The following NALCN variants were observed in gnomAD, a reference collection of about 807,000 sequenced individuals.
NALCN encodes the protein sodium leak channel, non-selective, also known as sodium leak channel NALCN.
A neutral mutation model predicts 225.3 loss-of-function variants in NALCN; 111 were observed. The ratio of observed to expected loss-of-function variants is 0.49; its 90% CI spans 0.42 to 0.58. The LOEUF is 0.58. Ranked by LOEUF, NALCN falls within the 20% of genes least tolerant of loss-of-function variation. The probability of loss-of-function intolerance (pLI) is 0.00; values close to 1 mark genes in which losing one functional copy is unlikely to be tolerated. For missense variants in NALCN, 1,378 were observed against 2,202.4 expected (o/e 0.63, Z 7.49); for synonymous variants, 764 against 769.0 (o/e 0.99, Z 0.11).
intron 1 of NALCN, among the ~76,000 whole-genome samples, chr13:101,411,472 C>T (rs534974180): frequency 2.6e-5 from 4 of 151,946 alleles, no homozygotes; most frequent in South Asian, 2.1e-4. Flanking sequence ...CCTCCCCTCC[C>T]GAGTAGCTGA....
At chr13:101,348,918 C>T (rs572293001) in intron 6 of NALCN, among the ~76,000 whole-genome samples, 1 of 152,148 alleles carries the variant, frequency 6.6e-6, no homozygotes, top group East Asian at 1.9e-4. Context: ...ATTTGTTAAT[C>T]TTTGTTTCAT....
rs143131349 is a variant in NALCN at position 101,125,689 on chromosome 13, T to C, written c.2119-1008A>G. 5.1e-3 allele frequency among the ~76,000 whole-genome samples: 771 copies of C among 152,136 alleles called. 2 individuals carry two copies. Among genetic ancestry groups the C allele is most frequent in the South Asian group, 0.01 (48 of 4,800 alleles). On this transcript the variant is annotated intron_variant, in intron 17 of 43. Transcript: ENST00000251127. ...AACACAAGATCAGAGGGGCTGGAGCTCTCTGCGGTGGAACAGCAAGTCTGG... is the reference window on the plus strand; with the variant it reads ...AACACAAGATCAGAGGGGCTGGAGCCCTCTGCGGTGGAACAGCAAGTCTGG...
chr13:101,065,287 C>T, intron 40 of NALCN, 117 bp downstream of exon 40: 1 of 1,116,868 alleles, frequency 9.0e-7, no homozygotes. Context: ...TTCACGACCA[C>T]AGCAGATGTG....
intron 15 of NALCN, among the ~76,000 whole-genome samples, chr13:101,156,949 A>T (rs1427236098): frequency 2.0e-5 from 3 of 152,174 alleles, no homozygotes; most frequent in Non-Finnish European, 4.4e-5. Context: ...TAGTTTTTAA[A>T]TGTCTCCTAT....
rs1447187604 is a variant in NALCN at position 101,059,948 on chromosome 13, C to G, written c.4775G>C (p.Ser1592Thr). 1.2e-6 allele frequency: 2 copies of G among 1,614,048 alleles called. No individual in the cohort carries two copies. The highest frequency in any genetic ancestry group is 2.7e-5 in the African/African-American group (2 of 75,018). Residue 1592 changes from serine to threonine, a missense_variant, in exon 42 of 44, where the codon AGT (serine) becomes ACT (threonine). Transcript: ENST00000251127. ...ACTCTCTCTCAGGCTGTGGATGATA[C>G]TGCACGACTGCTGCTGTTTCTATGG... Reference protein sequence around the residue: ...RIRAKQQQSCSIIHSLRESQQ... With the variant: ...RIRAKQQQSCTIIHSLRESQQ...
At chr13:101,343,605 G>A (rs1346836802) in intron 7 of NALCN, among the ~76,000 whole-genome samples, 4 of 152,178 alleles carry the variant, frequency 2.6e-5, no homozygotes, top group Non-Finnish European at 1.5e-5. Flanking sequence ...ACGAAAAGAT[G>A]CACTTCCTGT....
At chr13:101,300,908 G>T (rs116626128) in intron 7 of NALCN, among the ~76,000 whole-genome samples, 104 of 152,178 alleles carry the variant, frequency 6.8e-4, no homozygotes, top group African/African-American at 2.4e-3. Context: ...TTTGATTTTG[G>T]TTTCTTTGTT....
intron 10 of NALCN, among the ~76,000 whole-genome samples, chr13:101,277,999 T>C (rs2043020485): frequency 6.6e-6 from 1 of 152,212 alleles, no homozygotes; most frequent in African/African-American, 2.4e-5. Context: ...TGGGTTTTTA[T>C]GTAAAATACT....
intron 18 of NALCN, among the ~76,000 whole-genome samples, chr13:101,119,540 G>GTT: frequency 6.6e-6 from 1 of 152,244 alleles, no homozygotes; most frequent in South Asian, 2.1e-4. Flanking sequence ...ATGTTTAATT[G>GTT]TTTTATTTTA....
In NALCN at chr13:101,054,857, CAA is replaced by C. The variant is rs35076729; in HGVS notation, c.*436_*437del. 20,829 of 154,744 alleles carry C rather than the reference CAA, an allele frequency of 0.13. 1,640 individuals are homozygous for C. The highest frequency in any genetic ancestry group is 0.19 in the Non-Finnish European group (13,133 of 69,926). The allele number at this position is 154,744 out of a possible 1,614,324, so 9.6% of individuals were successfully genotyped here. A position where few individuals can be genotyped will look rare whatever the true frequency, so the allele number is the denominator to read the frequency against. On this transcript the variant is annotated 3_prime_UTR_variant, in exon 44 of 44. Coordinates refer to ENST00000251127, the MANE Select transcript of NALCN (RefSeq NM_052867.4). ...ATCAATCATAAATAATAAATTCTCT[CAA>C]GAGAAATATTTCTAGTGGAAATGGG...
At chr13:101,120,522 A>T (rs1231004641) in intron 18 of NALCN, among the ~76,000 whole-genome samples, 1 of 78,726 alleles carries the variant, frequency 1.3e-5, no homozygotes, top group East Asian at 2.5e-4. Flanking sequence ...GCCAAACTTA[A>T]AAAAAAAAAA....
At chr13:101,166,415 T>C (rs1283994233) in intron 15 of NALCN, among the ~76,000 whole-genome samples, 1 of 152,252 alleles carries the variant, frequency 6.6e-6, no homozygotes, top group East Asian at 1.9e-4. Context: ...GTTTTTTTTT[T>C]TGATAGTGGC....
At chr13:101,350,297 G>A (rs1371714987) in intron 6 of NALCN, among the ~76,000 whole-genome samples, 2 of 152,024 alleles carry the variant, frequency 1.3e-5, no homozygotes, top group East Asian at 1.9e-4. Flanking sequence ...GTCTGACCAC[G>A]TTGGCCTTCT....
rs577145177 is a variant in NALCN at position 101,282,034 on chromosome 13, A to T, written c.1134+1899T>A. On this transcript the variant is annotated intron_variant, in intron 10 of 43. Transcript: ENST00000251127. Reference sequence around the variant, plus strand: ...TATTTGGCAAAGGCATAAAGAAAAGATAACCCTTTTACACTGTTGGTGGGG... The same window carrying T: ...TATTTGGCAAAGGCATAAAGAAAAGTTAACCCTTTTACACTGTTGGTGGGG... Among the ~76,000 whole-genome samples, 5 of 152,324 alleles carry T rather than the reference A, an allele frequency of 3.3e-5. No individual in the cohort carries two copies. The South Asian group carries it at 1.0e-3, about 32-fold the overall frequency.
At chr13:101,284,395 G>T (rs1370499867) in intron 9 of NALCN, among the ~76,000 whole-genome samples, 1 of 152,104 alleles carries the variant, frequency 6.6e-6, no homozygotes, top group Admixed American at 6.5e-5. Context: ...CATTGTGTCT[G>T]GTGTGTTTTT....
At chr13:101,280,235 G>A (rs1594593017) in intron 10 of NALCN, among the ~76,000 whole-genome samples, 1 of 152,286 alleles carries the variant, frequency 6.6e-6, no homozygotes. Flanking sequence ...ATGAAGTTGA[G>A]TGGAATGAAA....
At chr13:101,380,855 CT>C (rs2046827818) in intron 3 of NALCN, among the ~76,000 whole-genome samples, 1 of 118,264 alleles carries the variant, frequency 8.5e-6, no homozygotes, top group Admixed American at 8.4e-5. Flanking sequence ...TAATGCCTAG[CT>C]AACACACACA....
At chr13:101,160,045 C>G (rs1283715762) in intron 15 of NALCN, among the ~76,000 whole-genome samples, 1 of 152,076 alleles carries the variant, frequency 6.6e-6, no homozygotes, top group East Asian at 1.9e-4. Context: ...ACCTCTGCCT[C>G]CTGGGTTCAA....
chr13:101,240,533 G>C (rs1489627114), intron 11 of NALCN, among the ~76,000 whole-genome samples: 1 of 151,762 alleles, frequency 6.6e-6, no homozygotes, highest in African/African-American at 2.4e-5. Flanking sequence ...AATTTCATAA[G>C]GAAATAAAAT....
Sources: gnomAD v4.1 joint callset for allele counts (sites outside exome capture counted in the v4.1 genomes callset) on GRCh38, gnomAD v4.1.1 for gene constraint, MANE v1.5 for transcripts, NCBI Gene and HGNC (gene_info 2026-07-23, HGNC 2026-07-21) for gene names.